Variants in IQCM observed in about 807,000 individuals in gnomAD.
IQCM encodes IQ motif containing M, also known as IQ domain-containing protein M.
A neutral mutation model predicts 57.6 loss-of-function variants in IQCM; 45 were observed. The observed-to-expected ratio is 0.78, with a 90% CI of 0.62 to 1.00. The LOEUF is 1.00. Among genes scored for constraint, IQCM ranks in the 50% least tolerant of loss-of-function variants. IQCM has a pLI of 0.00. For missense variants in IQCM, 468 were observed against 511.6 expected (o/e 0.91, Z 0.82); for synonymous variants, 148 against 158.9 (o/e 0.93, Z 0.51).
chr4:149,583,708 A>C (rs1368036732), intron 9 of IQCM, among the ~76,000 whole-genome samples: 3 of 151,756 alleles, frequency 2.0e-5, no homozygotes, highest in South Asian at 4.1e-4. Context: ...ATTATGTATA[A>C]AGTATTTTTT....
At position 149,452,949 on chromosome 4, in the gene IQCM, G is replaced by A. The variant is rs113324818; in HGVS notation, c.1229-19392C>T. Among the ~76,000 whole-genome samples, 313 of 149,878 alleles carry A rather than the reference G, an allele frequency of 2.1e-3. 1 individual carries two copies. Among genetic ancestry groups the A allele is most frequent in the Non-Finnish European group, 3.0e-3 (205 of 67,396 alleles). On this transcript the variant is annotated intron_variant, in intron 12 of 13. Coordinates refer to ENST00000636793, the MANE Select transcript of IQCM (RefSeq NM_001363507.2). The stretch of plus-strand genomic sequence containing the variant: ...ATATTGCATGATGCTAATTCCAACC[G>A]CAGCATCATGCAATATACCCACGTA...
chr4:149,461,279 C>A (rs996265757), intron 12 of IQCM, among the ~76,000 whole-genome samples: 1 of 151,262 alleles, frequency 6.6e-6, no homozygotes, highest in Admixed American at 6.6e-5. Flanking sequence ...GTGTTTTACT[C>A]CAAACAGCTA....
chr4:149,725,150 G>A (rs1254246389), intron 5 of IQCM, among the ~76,000 whole-genome samples: 1 of 152,156 alleles, frequency 6.6e-6, no homozygotes, highest in South Asian at 2.1e-4. Context: ...TCTTTAAGTT[G>A]ATATCCTTGG....
chr4:149,728,687 C>A (rs767830907), intron 5 of IQCM, among the ~76,000 whole-genome samples: 1 of 152,120 alleles, frequency 6.6e-6, no homozygotes, highest in Non-Finnish European at 1.5e-5. Flanking sequence ...TATCACATAG[C>A]CCCATCTATT....
chr4:149,505,370 A>T (rs1743695425), intron 12 of IQCM, among the ~76,000 whole-genome samples: 1 of 152,224 alleles, frequency 6.6e-6, no homozygotes, highest in African/African-American at 2.4e-5. Context: ...GTTTATAGTT[A>T]CATTGTATTG....
intron 13 of IQCM, among the ~76,000 whole-genome samples, chr4:149,415,929 C>A (rs1187979907): frequency 6.6e-6 from 1 of 152,094 alleles, no homozygotes; most frequent in Non-Finnish European, 1.5e-5. Context: ...GGAGGGATAG[C>A]ATTAGGAGAG....
At chr4:149,533,370 A>G (rs530949953) in intron 12 of IQCM, among the ~76,000 whole-genome samples, 19 of 152,270 alleles carry the variant, frequency 1.2e-4, no homozygotes, top group Non-Finnish European at 2.4e-4. Context: ...ATTTCCCAAC[A>G]GCAACAGACA....
At chr4:149,707,738 C>T (rs1764264165) in intron 5 of IQCM, among the ~76,000 whole-genome samples, 2 of 151,986 alleles carry the variant, frequency 1.3e-5, no homozygotes, top group African/African-American at 4.8e-5. Flanking sequence ...GTTCTTGTCT[C>T]TAATGAGTCC....
intron 7 of IQCM, among the ~76,000 whole-genome samples, chr4:149,645,440 A>G (rs978093302): frequency 2.0e-5 from 3 of 152,204 alleles, no homozygotes; most frequent in African/African-American, 7.2e-5. Context: ...AGAAAATTGA[A>G]CATAAGAATT....
intron 13 of IQCM, among the ~76,000 whole-genome samples, chr4:149,367,368 T>A (rs1192187279): frequency 6.6e-6 from 1 of 152,008 alleles, no homozygotes; most frequent in African/African-American, 2.4e-5. Flanking sequence ...GAGAGTGTCC[T>A]ATAGATAAAT....
chr4:149,467,841 G>C (rs1739025849), intron 12 of IQCM, among the ~76,000 whole-genome samples: 1 of 152,130 alleles, frequency 6.6e-6, no homozygotes, highest in Non-Finnish European at 1.5e-5. Flanking sequence ...CAGATCTAGT[G>C]TTGCTGCCTC....
chr4:149,780,007 T>C (rs1435503755), intron 2 of IQCM, among the ~76,000 whole-genome samples: 1 of 152,098 alleles, frequency 6.6e-6, no homozygotes, highest in Non-Finnish European at 1.5e-5. Context: ...CCAAATGGAT[T>C]TGAAGGAAAG....
chr4:149,760,933 A>G (rs1769444650), intron 2 of IQCM, among the ~76,000 whole-genome samples: 2 of 152,128 alleles, frequency 1.3e-5, no homozygotes, highest in African/African-American at 2.4e-5. Context: ...GTATTTTAAC[A>G]AAGGAAATGT....
chr4:149,460,652 A>G (rs1738173139), intron 12 of IQCM, among the ~76,000 whole-genome samples: 1 of 152,170 alleles, frequency 6.6e-6, no homozygotes, highest in African/African-American at 2.4e-5. Flanking sequence ...AAGAAAGGGA[A>G]AAAATAAAGG....
At chr4:149,621,894 G>A (rs965679279) in intron 7 of IQCM, among the ~76,000 whole-genome samples, 18 of 151,992 alleles carry the variant, frequency 1.2e-4, no homozygotes, top group African/African-American at 3.9e-4. Flanking sequence ...AGGAAATTCA[G>A]TTCAATCCTG....
intron 5 of IQCM, among the ~76,000 whole-genome samples, chr4:149,711,948 C>G (rs192109137): frequency 6.6e-6 from 1 of 152,122 alleles, no homozygotes; most frequent in South Asian, 2.1e-4. Context: ...TCAGAGTACT[C>G]ACTGGGCTTC....
chr4:149,494,728 G>C (rs1401762524), intron 12 of IQCM, among the ~76,000 whole-genome samples: 1 of 152,100 alleles, frequency 6.6e-6, no homozygotes, highest in Non-Finnish European at 1.5e-5. Flanking sequence ...AGACAGGAGA[G>C]ACTGCAACAA....
rs13128171 is a variant in IQCM, at chr4:149,368,795, C to T, written c.1391-16729G>A. Among the ~76,000 whole-genome samples, 579 of 84,982 alleles carry T rather than the reference C, an allele frequency of 6.8e-3. 1 individual carries two copies. Among genetic ancestry groups the T allele is most frequent in the Middle Eastern group, 0.016 (2 of 124 alleles). The allele number at this position is 84,982 out of a possible 152,430, so 55.8% of individuals were successfully genotyped here. A position where few individuals can be genotyped will look rare whatever the true frequency, so the allele number is the denominator to read the frequency against. On this transcript the variant is annotated intron_variant, in intron 13 of 13. Coordinates refer to ENST00000636793, the MANE Select transcript of IQCM (RefSeq NM_001363507.2). ...ACATATATATACATGTATATATATA[C>T]ATATATATACATGTATATATATACA...
intron 8 of IQCM, among the ~76,000 whole-genome samples, chr4:149,616,440 G>A (rs1263596847): frequency 2.6e-5 from 4 of 152,048 alleles, no homozygotes; most frequent in African/African-American, 2.4e-5. Context: ...AGGGAGAGAC[G>A]TAGAGACAAT....
Sources: allele counts gnomAD v4.1 joint callset (sites outside exome capture counted in the v4.1 genomes callset), GRCh38; gene constraint gnomAD v4.1.1; transcripts MANE v1.5; gene names NCBI Gene and HGNC (gene_info 2026-07-23, HGNC 2026-07-21).